Variants in CSGALNACT1 observed in about 807,000 individuals in gnomAD.
The protein encoded by CSGALNACT1 is beta4GalNAcT-1.
Under a neutral mutation model 51.0 loss-of-function variants are expected in CSGALNACT1, and 52 were observed. The ratio of observed to expected loss-of-function variants is 1.02; its 90% CI spans 0.82 to 1.29. The LOEUF is 1.29. Among genes scored for constraint, CSGALNACT1 ranks in the 50% most tolerant of loss-of-function variants. CSGALNACT1 has a pLI of 0.00. For missense variants in CSGALNACT1, 935 were observed against 679.2 expected (o/e 1.38, Z -4.19); for synonymous variants, 341 against 254.4 (o/e 1.34, Z -3.24).
chr8:19,619,807 G>A (rs1419310460), intron 1 of CSGALNACT1, among the ~76,000 whole-genome samples: 4 of 152,172 alleles, frequency 2.6e-5, no homozygotes, highest in East Asian at 3.9e-4. Context: ...AGAGGCCAGG[G>A]AAGTTACTTG....
At chr8:19,665,576 C>T (rs143443938) in intron 1 of CSGALNACT1, among the ~76,000 whole-genome samples, 26 of 152,302 alleles carry the variant, frequency 1.7e-4, no homozygotes, top group African/African-American at 6.3e-4. Flanking sequence ...TTCCCAACAT[C>T]AGGCCCAGGA....
chr8:19,642,755 C>T (rs945597451), intron 1 of CSGALNACT1, among the ~76,000 whole-genome samples: 3 of 150,548 alleles, frequency 2.0e-5, no homozygotes, highest in Non-Finnish European at 4.4e-5. Flanking sequence ...CACCACTGCA[C>T]TCCGGCCTGG....
At chr8:19,478,140 TGCG>T (rs2070277892) in intron 4 of CSGALNACT1, among the ~76,000 whole-genome samples, 1 of 54,630 alleles carries the variant, frequency 1.8e-5, no homozygotes, top group East Asian at 8.8e-3. Context: ...CTGGGCCGGG[TGCG>T]GTGGCTCACG....
chr8:19,684,640 G>A (rs2060871519), upstream of CSGALNACT1, among the ~76,000 whole-genome samples: 1 of 151,962 alleles, frequency 6.6e-6, no homozygotes, highest in Non-Finnish European at 1.5e-5. Context: ...CACTCCTCCT[G>A]GGAGGCCAAA....
At chr8:19,684,801 C>A (rs548014529), upstream of CSGALNACT1, among the ~76,000 whole-genome samples, 1 of 152,176 alleles carries the variant, frequency 6.6e-6, no homozygotes, top group Non-Finnish European at 1.5e-5. Context: ...AAAAAAAGAA[C>A]GTGAATCTCC....
At chr8:19,722,475 C>T (rs2063178044) in intron 1 of CSGALNACT1, among the ~76,000 whole-genome samples, 1 of 152,188 alleles carries the variant, frequency 6.6e-6, no homozygotes, top group Non-Finnish European at 1.5e-5. Context: ...GCAAAGTCAA[C>T]TCAAATAGGT....
chr8:19,612,129 G>A (rs994224411), intron 1 of CSGALNACT1, among the ~76,000 whole-genome samples: 1 of 152,044 alleles, frequency 6.6e-6, no homozygotes, highest in South Asian at 2.1e-4. Flanking sequence ...GATCACTTGA[G>A]GCCAGGAGCT....
chr8:19,414,757 G>A (rs1188835600), intron 8 of CSGALNACT1, among the ~76,000 whole-genome samples: 1 of 152,150 alleles, frequency 6.6e-6, no homozygotes, highest in African/African-American at 2.4e-5. Flanking sequence ...TCTTTTGTTT[G>A]CAAAACTAAC....
chr8:19,681,986 G>A (rs1461338323), intron 1 of CSGALNACT1, among the ~76,000 whole-genome samples: 2 of 152,200 alleles, frequency 1.3e-5, no homozygotes, highest in Non-Finnish European at 2.9e-5. Context: ...TTGCATAAGA[G>A]AGGTTGTCTG....
intron 1 of CSGALNACT1, among the ~76,000 whole-genome samples, chr8:19,714,074 T>A (rs2062665361): frequency 6.6e-6 from 1 of 152,210 alleles, no homozygotes; most frequent in Admixed American, 6.5e-5. Flanking sequence ...TCTTTTGATC[T>A]TGTCTTTTAA....
chr8:19,538,148 T>C (rs2084204160), intron 3 of CSGALNACT1, among the ~76,000 whole-genome samples: 1 of 151,770 alleles, frequency 6.6e-6, no homozygotes, highest in Non-Finnish European at 1.5e-5. Flanking sequence ...AAGATGATAC[T>C]GCTACAAAAA....
chr8:19,503,468 C>T (rs1314349112), intron 4 of CSGALNACT1, among the ~76,000 whole-genome samples: 4 of 152,140 alleles, frequency 2.6e-5, no homozygotes, highest in Non-Finnish European at 5.9e-5. Flanking sequence ...CAAGGTCACA[C>T]ATTCCAAATT....
At position 19,490,066 on chromosome 8, in the gene CSGALNACT1, T is replaced by C. The variant is rs553463128; in HGVS notation, c.634+15135A>G. On this transcript the variant is annotated intron_variant, in intron 4 of 9. Coordinates refer to ENST00000454498, the Ensembl canonical transcript of CSGALNACT1. ...ATCTGTTCTTTTGATGGCCCCCAAA[T>C]ATTTCTAACTCTGGGATTCGAGTAT... Among the ~76,000 whole-genome samples, 63 of 152,152 alleles carry C rather than the reference T, an allele frequency of 4.1e-4. 1 individual carries two copies. Among genetic ancestry groups the C allele is most frequent in the Non-Finnish European group, 6.2e-4 (42 of 68,036 alleles).
chr8:19,704,685 G>GATGGATGGATGGGTGGATAA (rs1350805293), intron 1 of CSGALNACT1, among the ~76,000 whole-genome samples: 2 of 152,180 alleles, frequency 1.3e-5, no homozygotes, highest in African/African-American at 4.8e-5. Flanking sequence ...TAGACGGATG[G>GATGGATGGATGGGTGGATAA]ATGGATGGAT....
At chr8:19,578,331 C>T (rs1322628157) in intron 3 of CSGALNACT1, among the ~76,000 whole-genome samples, 1 of 152,212 alleles carries the variant, frequency 6.6e-6, no homozygotes, top group African/African-American at 2.4e-5. Flanking sequence ...ACTGGAGTGA[C>T]CATTTGTCAT....
intron 1 of CSGALNACT1, among the ~76,000 whole-genome samples, chr8:19,614,420 G>A (rs2052712903): frequency 1.3e-5 from 2 of 152,042 alleles, no homozygotes; most frequent in African/African-American, 4.8e-5. Flanking sequence ...GCCAGTTTCT[G>A]TTCTTCTTTT....
At chr8:19,659,724 G>T (rs144530755) in intron 1 of CSGALNACT1, among the ~76,000 whole-genome samples, 1 of 152,280 alleles carries the variant, frequency 6.6e-6, no homozygotes, top group East Asian at 1.9e-4. Flanking sequence ...AGGCTGGCAG[G>T]TCATCCAGCT....
chr8:19,549,382 T>C (rs2154080172), intron 3 of CSGALNACT1, among the ~76,000 whole-genome samples: 1 of 152,318 alleles, frequency 6.6e-6, no homozygotes, highest in African/African-American at 2.4e-5. Flanking sequence ...TAATAACTGC[T>C]TCAATTTTTC....
chr8:19,468,595 G>T (rs1296808326), intron 4 of CSGALNACT1, among the ~76,000 whole-genome samples: 1 of 152,144 alleles, frequency 6.6e-6, no homozygotes. Context: ...GGTTTAGCAG[G>T]AAATGACAAG....
Sources: allele counts gnomAD v4.1 joint callset (sites outside exome capture counted in the v4.1 genomes callset), GRCh38; gene constraint gnomAD v4.1.1; transcripts MANE v1.5; gene names NCBI Gene and HGNC (gene_info 2026-07-23, HGNC 2026-07-21).